SYF2: variants seen among roughly 807,000 people sequenced by gnomAD.
SYF2 encodes SYF2 pre-mRNA splicing factor.
In SYF2, 21 loss-of-function variants were observed where a neutral mutation model predicts 32.7. The observed-to-expected ratio is 0.64, with a 90% CI of 0.45 to 0.92. The LOEUF (loss-of-function observed/expected upper bound fraction) is 0.92. SYF2 is among the 40% of genes least tolerant of loss of function. The pLI, the probability that SYF2 is intolerant of heterozygous loss-of-function variation, is 0.00. For missense variants in SYF2, 278 were observed against 296.5 expected, an observed-to-expected ratio of 0.94 and a Z score of 0.46; for synonymous variants, 114 against 103.9, an observed-to-expected ratio of 1.10 and a Z score of -0.59.
At chr1:25,231,503 C>G (rs1638629079) in intron 2 of SYF2, 1 of 153,890 alleles carries the variant, frequency 6.5e-6, no homozygotes. Flanking sequence ...ATGAGGCACC[C>G]CCTGGAGACC....
At position 25,228,342 on chromosome 1, in the gene SYF2, AT is replaced by A. The variant is rs571959450; in HGVS notation, c.259-108del. ...AAATATCAACCAATACTTTAATAGT[AT>A]TTTTTTAGTTGGAGTTTCACTCACT... On this transcript the variant is annotated intron_variant, in intron 3 of 6. Coordinates refer to ENST00000236273, the MANE Select transcript of SYF2 (RefSeq NM_015484.5). 212 of 1,010,602 alleles carry A rather than the reference AT, an allele frequency of 2.1e-4. No homozygotes were observed. In the African/African-American group the frequency reaches 2.8e-3, roughly 13 times the overall value. The allele number at this position is 1,010,602 out of a possible 1,614,324, so 62.6% of individuals were successfully genotyped here.
chr1:25,229,217 T>A, intron 2 of SYF2, 94 bp from the exon 3 acceptor site: 4 of 1,434,054 alleles, frequency 2.8e-6, no homozygotes, highest in South Asian at 1.4e-5. Flanking sequence ...CAGGACATAT[T>A]AATAAGCTGA....
rs757874462 is a variant in SYF2 at position 25,223,224 on chromosome 1, T to A, written c.*42A>T. 5 of 1,533,544 alleles carry A rather than the reference T, an allele frequency of 3.3e-6. No individual in the cohort carries two copies. The highest frequency in any genetic ancestry group is 2.1e-5 in the Admixed American group (1 of 47,482). 95.0% of individuals were successfully genotyped at this position (1,533,544 alleles called of 1,614,324 possible). A position where few individuals can be genotyped will look rare whatever the true frequency, so the allele number is the denominator to read the frequency against. On this transcript the variant is annotated 3_prime_UTR_variant, in exon 7 of 7. Coordinates refer to ENST00000236273, the MANE Select transcript of SYF2 (RefSeq NM_015484.5). ...GAACTTGATTTTGCTAGCAGAAATT[T>A]TTACCCCATTCTCAAGCTTCTATAA... is the stretch of plus-strand genomic sequence containing the variant.
rs748998234 is a variant in SYF2 at position 25,228,143 on chromosome 1, C to T, written c.351G>A (p.Arg117=). 1 of 1,613,890 alleles carries T rather than the reference C, an allele frequency of 6.2e-7. No individual in the cohort carries two copies. The highest frequency in any genetic ancestry group is 8.5e-7 in the Non-Finnish European group (1 of 1,179,938). ...CTGAAAATCCCAGATCAGGGTTTTT[C>T]CTCTTCTTTTTCCTCTCCCATCTTT... is the stretch of plus-strand genomic sequence containing the variant. ...DAERWERKKK[R]KNPDLGFSDY... The change falls in exon 4 of 7, where the codon AGG becomes AGA. Residue 117 remains arginine (R), a synonymous_variant. Coordinates refer to ENST00000236273, the MANE Select transcript of SYF2 (RefSeq NM_015484.5).
chr1:25,224,251 G>A (rs373857012), intron 6 of SYF2, among the ~76,000 whole-genome samples: 32 of 152,068 alleles, frequency 2.1e-4, no homozygotes, highest in African/African-American at 7.5e-4. Context: ...CATAATATGT[G>A]CCAGACACTT....
At chr1:25,229,815 ACT>A (rs986889306) in intron 2 of SYF2, among the ~76,000 whole-genome samples, 3 of 148,698 alleles carry the variant, frequency 2.0e-5, no homozygotes, top group Admixed American at 1.3e-4. Context: ...TGTGAAAGAC[ACT>A]CTTTCTTTTT....
At chr1:25,223,777 G>A (rs888553279) in intron 6 of SYF2, among the ~76,000 whole-genome samples, 3 of 152,094 alleles carry the variant, frequency 2.0e-5, no homozygotes, top group Non-Finnish European at 2.9e-5. Context: ...CTCCCAAAAG[G>A]TCCTCTGGGA....
intron 2 of SYF2, chr1:25,230,666 CA>C (rs1401720411): frequency 6.6e-6 from 1 of 152,116 alleles, no homozygotes; most frequent in Admixed American, 6.6e-5. Context: ...CAGAAGAGAG[CA>C]AACCACGGGG....
At chr1:25,232,046 C>CA (rs759540206) in intron 2 of SYF2, 58 bp downstream of exon 2, 28 of 1,557,146 alleles carry the variant, frequency 1.8e-5, no homozygotes, top group Non-Finnish European at 2.4e-5. Context: ...GTCCCCTCTA[C>CA]AAAAGCGCAC....
intron 5 of SYF2, among the ~76,000 whole-genome samples, chr1:25,225,682 AC>A (rs1175591961): frequency 3.4e-4 from 52 of 150,874 alleles, no homozygotes; most frequent in Non-Finnish European, 6.3e-4. Context: ...ACATGGTGAT[AC>A]CCCATCTCTA....
At chr1:25,230,484 C>CCAG (rs1638604505) in intron 2 of SYF2, 1 of 152,210 alleles carries the variant, frequency 6.6e-6, no homozygotes, top group East Asian at 1.9e-4. Flanking sequence ...CTTACACAAT[C>CCAG]ACTCTAAATA....
chr1:25,227,231 T>C (rs1352188466), intron 5 of SYF2, among the ~76,000 whole-genome samples: 1 of 152,100 alleles, frequency 6.6e-6, no homozygotes. Flanking sequence ...TGCAGTGAGC[T>C]GAGACCGCAC....
At chr1:25,226,874 G>A (rs1337693947) in intron 5 of SYF2, among the ~76,000 whole-genome samples, 3 of 152,080 alleles carry the variant, frequency 2.0e-5, no homozygotes, top group African/African-American at 7.2e-5. Flanking sequence ...CTAGCTACTG[G>A]GGAGGCTGAT....
At chr1:25,231,997 G>T in intron 2 of SYF2, 107 bp downstream of exon 2, 1 of 1,088,760 alleles carries the variant, frequency 9.2e-7, no homozygotes, top group Non-Finnish European at 1.4e-6. Flanking sequence ...AGATGATCCT[G>T]CTCTGTTGGT....
chr1:25,227,323 C>G (rs1461488047), intron 5 of SYF2, 119 bp downstream of exon 5: 12 of 835,726 alleles, frequency 1.4e-5, no homozygotes, highest in Non-Finnish European at 2.2e-5. Context: ...AGAGACCATC[C>G]TTAGACAACT....
intron 4 of SYF2, 50 bp from the exon 5 acceptor site, chr1:25,227,582 C>T: frequency 6.6e-7 from 1 of 1,515,602 alleles, no homozygotes. Context: ...TTGTTTGGAC[C>T]TTCCTATTGA....
Position 25,227,529 on chromosome 1 carries a change from T to C in SYF2, c.380A>G (p.Tyr127Cys). 6.2e-7 allele frequency: 1 copy of C among 1,612,222 alleles called. No homozygotes were observed. The highest frequency in any genetic ancestry group is 1.1e-5 in the South Asian group (1 of 90,472). ...ATACTGGCGTAACTGGGCAGCAGCA[T>C]AATCTAAAAATATAAAATGAGAATC... ...RKNPDLGFSDYAAAQLRQYHR... is the reference protein window; with the variant it reads ...RKNPDLGFSDCAAAQLRQYHR... Residue 127 changes from tyrosine to cysteine, a missense_variant, in exon 5 of 7, where the codon TAT becomes TGT. Coordinates refer to ENST00000236273, the MANE Select transcript of SYF2 (RefSeq NM_015484.5).
At chr1:25,232,005 GGTCTGTCAGA>G in intron 2 of SYF2, 89 bp downstream of exon 2, 2 of 1,168,030 alleles carry the variant, frequency 1.7e-6, no homozygotes, top group Non-Finnish European at 2.5e-6. Context: ...CTGCTCTGTT[GGTCTGTCAGA>G]CGCAGTGGTG....
intron 3 of SYF2, among the ~76,000 whole-genome samples, chr1:25,228,681 T>C (rs771053256): frequency 2.0e-5 from 3 of 152,254 alleles, no homozygotes; most frequent in Non-Finnish European, 4.4e-5. Flanking sequence ...CTATGGTATA[T>C]AAGTGAGCAC....
Sources: gnomAD v4.1 joint callset for allele counts (sites outside exome capture counted in the v4.1 genomes callset) on GRCh38, gnomAD v4.1.1 for gene constraint, MANE v1.5 for transcripts, NCBI Gene and HGNC (gene_info 2026-07-23, HGNC 2026-07-21) for gene names.